Variants in MSH3 observed in about 807,000 individuals in gnomAD.
MSH3 encodes the protein DNA mismatch repair protein Msh3.
MSH3 carries 106 observed loss-of-function variants against 123.3 expected under a neutral mutation model. The ratio of observed to expected loss-of-function variants is 0.86; its 90% CI spans 0.73 to 1.01. The LOEUF is 1.01. Among genes scored for constraint, MSH3 ranks in the 50% least tolerant of loss-of-function variants. The pLI is 0.00. For synonymous variants in MSH3, 515 were observed against 481.4 expected, an observed-to-expected ratio of 1.07 and a Z score of -0.91; for missense variants, 1,459 against 1,347.6, an observed-to-expected ratio of 1.08 and a Z score of -1.29.
At chr5:80,679,558 G>A (rs907286778) in intron 8 of MSH3, among the ~76,000 whole-genome samples, 1 of 152,222 alleles carries the variant, frequency 6.6e-6, no homozygotes, top group African/African-American at 2.4e-5. Flanking sequence ...CAAAGTTTAT[G>A]TAACTTTGGA....
At chr5:80,745,903 T>C (rs911700350) in intron 12 of MSH3, among the ~76,000 whole-genome samples, 1 of 152,262 alleles carries the variant, frequency 6.6e-6, no homozygotes, top group Non-Finnish European at 1.5e-5. Flanking sequence ...AATAATGGAT[T>C]GCAGATGTTA....
At chr5:80,779,719 C>G (rs1444968141) in intron 17 of MSH3, among the ~76,000 whole-genome samples, 1 of 151,640 alleles carries the variant, frequency 6.6e-6, no homozygotes, top group African/African-American at 2.4e-5. Context: ...CCGCCACGCC[C>G]TGCTAATTTT....
At chr5:80,816,670 A>G (rs914099314) in intron 20 of MSH3, among the ~76,000 whole-genome samples, 2 of 152,216 alleles carry the variant, frequency 1.3e-5, no homozygotes, top group African/African-American at 4.8e-5. Flanking sequence ...AAGGATCAGT[A>G]AGTAGCTTGG....
At chr5:80,720,066 T>C (rs1751049166) in intron 8 of MSH3, among the ~76,000 whole-genome samples, 1 of 152,180 alleles carries the variant, frequency 6.6e-6, no homozygotes, top group Non-Finnish European at 1.5e-5. Context: ...ACATGGAAGA[T>C]TGGCTAAGCT....
intron 17 of MSH3, among the ~76,000 whole-genome samples, chr5:80,783,593 A>G (rs1238268495): frequency 6.6e-6 from 1 of 152,156 alleles, no homozygotes; most frequent in Non-Finnish European, 1.5e-5. Context: ...GGACCCACTA[A>G]GAGCTGTGTT....
chr5:80,668,966 C>T (rs370022452), intron 3 of MSH3, among the ~76,000 whole-genome samples: 1 of 152,200 alleles, frequency 6.6e-6, no homozygotes, highest in Non-Finnish European at 1.5e-5. Flanking sequence ...CTGCGCCTCT[C>T]CTACTGCAGC....
chr5:80,842,431 A>G (rs549333025), intron 20 of MSH3, among the ~76,000 whole-genome samples: 2 of 152,224 alleles, frequency 1.3e-5, no homozygotes, highest in South Asian at 2.1e-4. Flanking sequence ...CTTTTTTCCA[A>G]TTCTGTGAAG....
intron 8 of MSH3, among the ~76,000 whole-genome samples, chr5:80,716,432 C>T (rs836794): frequency 1.3e-5 from 2 of 151,538 alleles, no homozygotes; most frequent in Admixed American, 6.6e-5. Context: ...TGACAACTAT[C>T]TTTTTTTTGT....
intron 20 of MSH3, among the ~76,000 whole-genome samples, chr5:80,825,947 C>T (rs1425956435): frequency 6.6e-6 from 1 of 152,220 alleles, no homozygotes; most frequent in Non-Finnish European, 1.5e-5. Context: ...AGGCTTCCTG[C>T]TATCAGCCAG....
At chr5:80,692,669 T>C (rs902065695) in intron 8 of MSH3, among the ~76,000 whole-genome samples, 6 of 91,030 alleles carry the variant, frequency 6.6e-5, no homozygotes, top group African/African-American at 1.4e-4. Flanking sequence ...TATACACATG[T>C]ATATGTTTAT....
chr5:80,752,554 AC>A lies in MSH3; in HGVS notation c.1763+7940del, dbSNP rs535209832. Among the ~76,000 whole-genome samples, 359 of 152,228 alleles carry A rather than the reference AC, an allele frequency of 2.4e-3. 3 individuals are homozygous for A. Among genetic ancestry groups the A allele is most frequent in the African/African-American group, 8.3e-3 (345 of 41,540 alleles). The stretch of plus-strand genomic sequence containing the variant: ...GCTTGAGTTCTGATTCCCTTTTGTC[AC>A]TTTGGAGAAGTTATGAATTTGTATA... On this transcript the variant is annotated intron_variant, in intron 12 of 23. Coordinates refer to ENST00000265081, the MANE Select transcript of MSH3 (RefSeq NM_002439.5).
At chr5:80,779,004 T>C (rs1261279990) in intron 17 of MSH3, among the ~76,000 whole-genome samples, 168 bp downstream of exon 17, 1 of 151,508 alleles carries the variant, frequency 6.6e-6, no homozygotes, top group Non-Finnish European at 1.5e-5. Flanking sequence ...TTACTTTTTT[T>C]TTTTTGATAC....
rs140915620 is a variant in MSH3, at chr5:80,851,316, C to G, written c.2814-2814C>G. Reference sequence around the variant, plus strand: ...CAAGTCTCTGTCTCATAAAAATACCCTTTCCCCGCAGCACTCTTGATAATG... The same window carrying G: ...CAAGTCTCTGTCTCATAAAAATACCGTTTCCCCGCAGCACTCTTGATAATG... On this transcript the variant is annotated intron_variant, in intron 20 of 23. Coordinates refer to ENST00000265081, the MANE Select transcript of MSH3 (RefSeq NM_002439.5). Among the ~76,000 whole-genome samples, 1,377 of 152,234 alleles carry G rather than the reference C, an allele frequency of 9.0e-3. 25 individuals are homozygous for G. Among genetic ancestry groups the G allele is most frequent in the African/African-American group, 0.031 (1,286 of 41,532 alleles).
chr5:80,783,621 A>G (rs956985531), intron 17 of MSH3, among the ~76,000 whole-genome samples: 2 of 152,168 alleles, frequency 1.3e-5, no homozygotes, highest in Admixed American at 6.5e-5. Context: ...TTCCATCTTA[A>G]GAATTAGATC....
chr5:80,800,312 C>G (rs1002501342), intron 19 of MSH3, among the ~76,000 whole-genome samples: 3 of 152,210 alleles, frequency 2.0e-5, no homozygotes, highest in Non-Finnish European at 4.4e-5. Context: ...CCTCCTTAGG[C>G]TTGGTGCTAG....
chr5:80,861,313 G>A (rs1352929280), intron 21 of MSH3, among the ~76,000 whole-genome samples: 1 of 152,192 alleles, frequency 6.6e-6, no homozygotes, highest in Non-Finnish European at 1.5e-5. Context: ...TCTAGGGGAG[G>A]AGTCCTATGA....
intron 20 of MSH3, among the ~76,000 whole-genome samples, chr5:80,833,142 G>C (rs1745448545): frequency 6.6e-6 from 1 of 152,030 alleles, no homozygotes. Flanking sequence ...GGCGAGGAGG[G>C]GAGTAGGGGG....
At chr5:80,768,782 A>G (rs1410080896) in intron 14 of MSH3, 53 bp from the exon 15 acceptor site, 2 of 1,437,842 alleles carry the variant, frequency 1.4e-6, no homozygotes, top group Admixed American at 1.8e-5. Flanking sequence ...ATAAGCGATA[A>G]CTGCTGTAAT....
intron 20 of MSH3, among the ~76,000 whole-genome samples, chr5:80,821,321 A>T (rs1745202506): frequency 6.6e-6 from 1 of 152,200 alleles, no homozygotes; most frequent in Non-Finnish European, 1.5e-5. Flanking sequence ...TGAGGGAAAG[A>T]ACTCTACTCC....
Sources: allele counts gnomAD v4.1 joint callset (sites outside exome capture counted in the v4.1 genomes callset), GRCh38; gene constraint gnomAD v4.1.1; transcripts MANE v1.5; gene names NCBI Gene and HGNC (gene_info 2026-07-23, HGNC 2026-07-21).